Variants in PDZD2 observed in about 807,000 individuals in gnomAD.
PDZD2 encodes the protein PDZ domain-containing protein 2.
Under a neutral mutation model 220.7 loss-of-function variants are expected in PDZD2, and 90 were observed. The ratio of observed to expected loss-of-function variants is 0.41; its 90% CI spans 0.34 to 0.49. The LOEUF is 0.49. PDZD2 is among the 20% of genes least tolerant of loss of function. The probability of loss-of-function intolerance (pLI) is 0.28; values close to 1 mark genes in which losing one functional copy is unlikely to be tolerated. For missense variants in PDZD2, 3,174 were observed against 3,608.5 expected, an observed-to-expected ratio of 0.88 and a Z score of 3.08; for synonymous variants, 1,375 against 1,450.5, an observed-to-expected ratio of 0.95 and a Z score of 1.18.
chr5:31,704,390 T>A (rs1747729640), intron 1 of PDZD2, among the ~76,000 whole-genome samples: 1 of 152,224 alleles, frequency 6.6e-6, no homozygotes, highest in African/African-American at 2.4e-5. Context: ...AGAATGTCTA[T>A]AACACTGGAA....
chr5:31,738,093 T>C (rs1375942287), intron 1 of PDZD2, among the ~76,000 whole-genome samples: 1 of 152,254 alleles, frequency 6.6e-6, no homozygotes, highest in African/African-American at 2.4e-5. Context: ...ATATGAAATC[T>C]ACAATGTATT....
At chr5:31,724,814 T>C (rs1388663870) in intron 1 of PDZD2, among the ~76,000 whole-genome samples, 1 of 152,186 alleles carries the variant, frequency 6.6e-6, no homozygotes, top group Non-Finnish European at 1.5e-5. Flanking sequence ...CCACCTCACT[T>C]TTGTATCATT....
intron 5 of PDZD2, among the ~76,000 whole-genome samples, chr5:32,006,907 CTTTTTTTTT>C (rs1173189592): frequency 2.1e-5 from 1 of 47,844 alleles, no homozygotes; most frequent in Non-Finnish European, 3.3e-5. Flanking sequence ...CCATGCTGGT[CTTTTTTTTT>C]TTTTTTTTTT....
chr5:32,013,441 C>T (rs1753489337), intron 6 of PDZD2, among the ~76,000 whole-genome samples: 1 of 151,876 alleles, frequency 6.6e-6, no homozygotes, highest in Non-Finnish European at 1.5e-5. Context: ...CAGTTCCCAC[C>T]ATCACCAAAA....
intron 1 of PDZD2, among the ~76,000 whole-genome samples, chr5:31,681,659 A>C (rs879445450): frequency 1.3e-5 from 2 of 152,188 alleles, no homozygotes; most frequent in Non-Finnish European, 2.9e-5. Context: ...ATATTGGATC[A>C]CAAAATGCTA....
At chr5:32,076,048 T>G (rs1256774186) in intron 18 of PDZD2, among the ~76,000 whole-genome samples, 1 of 152,114 alleles carries the variant, frequency 6.6e-6, no homozygotes, top group African/African-American at 2.4e-5. Flanking sequence ...CACTTTGGGA[T>G]GCTGAGGCAG....
chr5:31,914,982 C>T (rs1380781899), intron 2 of PDZD2, among the ~76,000 whole-genome samples: 1 of 152,078 alleles, frequency 6.6e-6, no homozygotes, highest in African/African-American at 2.4e-5. Context: ...GTGGGGAAAG[C>T]CTGAAGTGGT....
In PDZD2 at chr5:32,061,084, T is replaced by G. The variant is rs1371559059; in HGVS notation, c.2401T>G (p.Cys801Gly). Residue 801 changes from cysteine (C) to glycine (G), a missense_variant, in exon 14 of 25, where the codon TGC becomes GGC. Cys to Gly is a radical substitution (Grantham distance 159). Transcript: ENST00000438447. ...LSKVHAILSK[C>G]PPGPVRLVIG... ...CAAAGTCCACGCCATCTTGAGTAAA[T>G]GCCCTCCAGGACCCGTTCGCCTTGT... 1 of 1,614,028 alleles carries G rather than the reference T, an allele frequency of 6.2e-7. No homozygotes were observed. Among genetic ancestry groups the G allele is most frequent in the African/African-American group, 1.3e-5 (1 of 74,908 alleles).
In PDZD2 at chr5:31,999,631, A is replaced by AGTGT. The variant is rs1171643180; in HGVS notation, c.1122-506_1122-503dup. On this transcript the variant is annotated intron_variant, in intron 4 of 24. Transcript: ENST00000438447. ...TGGGAGATAGAGACACGTGTAGTGT[A>AGTGT]GTGTGAATCACAGGTGCCCCAGAGG... 2.0e-5 allele frequency among the ~76,000 whole-genome samples: 3 copies of AGTGT among 152,342 alleles called. No individual in the cohort carries two copies. The East Asian group carries it at 5.8e-4, about 29-fold the overall frequency.
intron 10 of PDZD2, among the ~76,000 whole-genome samples, chr5:32,057,112 T>C (rs1002527570): frequency 2.6e-5 from 4 of 152,150 alleles, no homozygotes; most frequent in Non-Finnish European, 4.4e-5. Flanking sequence ...AAAAAAATTT[T>C]TTTTTAGTAA....
chr5:31,783,554 G>T (rs1477296282), intron 1 of PDZD2, among the ~76,000 whole-genome samples: 1 of 152,224 alleles, frequency 6.6e-6, no homozygotes, highest in Admixed American at 6.5e-5. Flanking sequence ...ATCACAAAGA[G>T]ATTGATACTG....
intron 1 of PDZD2, among the ~76,000 whole-genome samples, chr5:31,662,150 A>C (rs1745793018): frequency 1.3e-5 from 2 of 151,832 alleles, no homozygotes; most frequent in Non-Finnish European, 2.9e-5. Context: ...GTCTCTACTA[A>C]AAATACAAAA....
intron 21 of PDZD2, among the ~76,000 whole-genome samples, chr5:32,094,328 G>T (rs1743444695): frequency 6.6e-6 from 1 of 152,122 alleles, no homozygotes; most frequent in African/African-American, 2.4e-5. Context: ...AATTTCTTGG[G>T]GCTATACGTA....
At chr5:31,901,579 C>T (rs76065244) in intron 2 of PDZD2, among the ~76,000 whole-genome samples, 12,026 of 152,118 alleles carry the variant, frequency 0.079, 650 homozygotes, top group Middle Eastern at 0.11. Flanking sequence ...TTACATCTGT[C>T]CTCCTAGGAG....
Position 32,087,090 on chromosome 5 carries a change from C to T in PDZD2, c.3683-41C>T. On this transcript the variant is annotated intron_variant, in intron 19 of 24. Transcript: ENST00000438447. This position sits in a 1 kb window ranked among gnomAD's most constrained non-coding sequence, Gnocchi z 4.0. ...TTATCCCTTTTATCTCCCCTACAAC[C>T]TCTCCTGTGTATGTACCTTCTGTTT... 1 of 1,155,854 alleles carries T rather than the reference C, an allele frequency of 8.7e-7. No individual in the cohort carries two copies. The allele number at this position is 1,155,854 out of a possible 1,614,324, so 71.6% of individuals were successfully genotyped here.
chr5:32,073,198 C>A (rs1314621079), intron 17 of PDZD2, among the ~76,000 whole-genome samples: 1 of 152,118 alleles, frequency 6.6e-6, no homozygotes, highest in South Asian at 2.1e-4. Flanking sequence ...CTGACTCATT[C>A]GGAGCTATCA....
chr5:31,716,349 G>A (rs1748442933), intron 1 of PDZD2, among the ~76,000 whole-genome samples: 1 of 152,166 alleles, frequency 6.6e-6, no homozygotes, highest in African/African-American at 2.4e-5. Context: ...TATACTCACA[G>A]ATCCTTAGAA....
intron 1 of PDZD2, among the ~76,000 whole-genome samples, chr5:31,640,227 A>G (rs1325466326): frequency 6.6e-6 from 1 of 152,220 alleles, no homozygotes; most frequent in Non-Finnish European, 1.5e-5. Context: ...GTTTGCCAGA[A>G]GCTGTCCTCG....
At chr5:32,099,211 C>T (rs1414953845) in intron 23 of PDZD2, 1 of 153,172 alleles carries the variant, frequency 6.5e-6, no homozygotes, top group Non-Finnish European at 1.5e-5. Context: ...GCGTCTGTTT[C>T]TGCAGTGCGA....
Sources: gnomAD v4.1 joint callset for allele counts (sites outside exome capture counted in the v4.1 genomes callset) on GRCh38, gnomAD v4.1.1 for gene constraint, Gnocchi (gnomAD v3.1) non-coding constraint, MANE v1.5 for transcripts, NCBI Gene and HGNC (gene_info 2026-07-23, HGNC 2026-07-21) for gene names.